The following ELF1 variants were observed in gnomAD, a reference collection of about 807,000 sequenced individuals.
The protein encoded by ELF1 is E74 like ETS transcription factor 1.
In ELF1, 24 loss-of-function variants were observed where a neutral mutation model predicts 59.9. That is an observed-to-expected ratio of 0.40 (90% CI 0.29 to 0.56). The LOEUF (loss-of-function observed/expected upper bound fraction) is 0.56, where lower values mean the gene tolerates loss of function less well. Ranked by LOEUF, ELF1 falls within the 20% of genes least tolerant of loss-of-function variation. ELF1 has a pLI of 0.44. For missense variants in ELF1, 627 were observed against 742.2 expected (o/e 0.84, Z 1.80); for synonymous variants, 248 against 266.2 (o/e 0.93, Z 0.67).
At position 41,048,296 on chromosome 13, in the gene ELF1, C is replaced by T. The variant is rs1876945738; in HGVS notation, c.-229+12542G>A. Among the ~76,000 whole-genome samples the T allele has an allele frequency of 2.0e-5, 3 of 152,206 alleles. No homozygotes were observed. In the South Asian group the frequency reaches 6.2e-4, roughly 32 times the overall value. On this transcript the variant is annotated intron_variant, in intron 1 of 1. Transcript: ENST00000405737. ...GCACCCACTGTCTTGCACACACTGT[C>T]CGACAAGCCCCAGTGAGATGAACCC...
chr13:40,993,431 A>G (rs1873969024), intron 1 of ELF1: 3 of 642,634 alleles, frequency 4.7e-6, no homozygotes, highest in South Asian at 3.8e-5. Context: ...CCTCTAGCGG[A>G]GCCCGTTTGC....
At chr13:40,962,700 G>A (rs1301122338) in intron 2 of ELF1, among the ~76,000 whole-genome samples, 2 of 150,046 alleles carry the variant, frequency 1.3e-5, no homozygotes, top group East Asian at 1.9e-4. Context: ...AAAAAAAGAA[G>A]AAGAAGAATG....
chr13:41,055,820 G>C (rs1464695380), intron 1 of ELF1, among the ~76,000 whole-genome samples: 1 of 151,608 alleles, frequency 6.6e-6, no homozygotes, highest in Non-Finnish European at 1.5e-5. Flanking sequence ...GAGGAGCTGG[G>C]ACTACAGGAA....
chr13:40,966,492 C>G, intron 2 of ELF1, among the ~76,000 whole-genome samples: 1 of 152,150 alleles, frequency 6.6e-6, no homozygotes, highest in East Asian at 1.9e-4. Flanking sequence ...TGGTTGATCA[C>G]GTATGTGGCA....
intron 1 of ELF1, among the ~76,000 whole-genome samples, chr13:41,042,137 C>A (rs1470548411): frequency 1.3e-5 from 2 of 152,124 alleles, no homozygotes; most frequent in African/African-American, 2.4e-5. Flanking sequence ...ATCCTCCTAC[C>A]TGAGCCTCCT....
chr13:41,025,633 G>A (rs1447040895), intron 1 of ELF1, among the ~76,000 whole-genome samples: 3 of 152,204 alleles, frequency 2.0e-5, no homozygotes, highest in African/African-American at 7.2e-5. Flanking sequence ...GGGACTCTTT[G>A]TCATTCATTT....
intron 1 of ELF1, among the ~76,000 whole-genome samples, chr13:40,990,649 G>T (rs1873791929): frequency 6.6e-6 from 1 of 152,042 alleles, no homozygotes; most frequent in Non-Finnish European, 1.5e-5. Context: ...GAGCTCAGGA[G>T]TTCAAGACCA....
At chr13:40,951,040 GAT>G (rs1870814831) in intron 4 of ELF1, among the ~76,000 whole-genome samples, 1 of 152,062 alleles carries the variant, frequency 6.6e-6, no homozygotes, top group Non-Finnish European at 1.5e-5. Context: ...TTGGGCCCTT[GAT>G]ACCCTAATAC....
chr13:41,045,048 T>C (rs1216820302), intron 1 of ELF1, among the ~76,000 whole-genome samples: 1 of 152,218 alleles, frequency 6.6e-6, no homozygotes, highest in African/African-American at 2.4e-5. Flanking sequence ...AAGGAATTTA[T>C]CCATTTCTTC....
At chr13:40,973,756 A>C (rs1189294228) in intron 2 of ELF1, among the ~76,000 whole-genome samples, 1 of 152,154 alleles carries the variant, frequency 6.6e-6, no homozygotes, top group African/African-American at 2.4e-5. Context: ...TCATTTTAAA[A>C]AGTGTTCTTT....
At chr13:41,015,003 C>T (rs1045221319) in intron 1 of ELF1, among the ~76,000 whole-genome samples, 4 of 151,714 alleles carry the variant, frequency 2.6e-5, no homozygotes, top group South Asian at 2.1e-4. Context: ...GCCCTCCCCC[C>T]AAAAAAAGAA....
intron 3 of ELF1, among the ~76,000 whole-genome samples, chr13:40,957,753 GA>G (rs1212974996): frequency 6.6e-6 from 1 of 151,992 alleles, no homozygotes; most frequent in Non-Finnish European, 1.5e-5. Flanking sequence ...TGTGAGAAGT[GA>G]CTAAAACAGA....
intron 1 of ELF1, among the ~76,000 whole-genome samples, chr13:40,999,501 A>G (rs1874298306): frequency 6.6e-6 from 1 of 152,228 alleles, no homozygotes; most frequent in Admixed American, 6.5e-5. Context: ...TGGGAAATAG[A>G]AAGTCAGGCA....
chr13:40,982,530 C>G (rs1329655245), intron 1 of ELF1, among the ~76,000 whole-genome samples: 1 of 147,846 alleles, frequency 6.8e-6, no homozygotes, highest in Non-Finnish European at 1.5e-5. Context: ...AGTTAAACTA[C>G]TGTTAAAAGT....
At chr13:40,942,112 T>C (rs1870211804) in intron 7 of ELF1, among the ~76,000 whole-genome samples, 1 of 152,206 alleles carries the variant, frequency 6.6e-6, no homozygotes, top group Non-Finnish European at 1.5e-5. Flanking sequence ...TCAGTTTAAA[T>C]TTGATTCAGT....
At chr13:41,060,948 G>A (rs1877574290) in exon 1 of ELF1, 1 of 353,846 alleles carries the variant, frequency 2.8e-6, no homozygotes, top group South Asian at 2.1e-5. Flanking sequence ...CGCCGCCGCT[G>A]CTGCTGCCCA....
At chr13:40,978,086 G>C (rs190603883) in intron 2 of ELF1, among the ~76,000 whole-genome samples, 1 of 152,160 alleles carries the variant, frequency 6.6e-6, no homozygotes, top group East Asian at 1.9e-4. Flanking sequence ...AAAGATACTA[G>C]AAGAAAATGT....
chr13:40,956,174 G>A (rs1306243369), intron 3 of ELF1, among the ~76,000 whole-genome samples: 9 of 151,170 alleles, frequency 6.0e-5, no homozygotes, highest in African/African-American at 1.7e-4. Context: ...GATGGTTGCC[G>A]TGTCTGTGTA....
chr13:40,934,592 TG>T (rs1388541236), intron 8 of ELF1, among the ~76,000 whole-genome samples: 1 of 152,058 alleles, frequency 6.6e-6, no homozygotes, highest in African/African-American at 2.4e-5. Flanking sequence ...GGCTAATTTT[TG>T]TAGTTTTAAT....
Sources: allele counts gnomAD v4.1 joint callset (sites outside exome capture counted in the v4.1 genomes callset), GRCh38; gene constraint gnomAD v4.1.1; transcripts MANE v1.5; gene names NCBI Gene and HGNC (gene_info 2026-07-23, HGNC 2026-07-21).